The following MAJIN variants were observed in gnomAD, a reference collection of about 807,000 sequenced individuals.
MAJIN encodes membrane-anchored junction protein.
Under a neutral mutation model 30.2 loss-of-function variants are expected in MAJIN, and 27 were observed. The ratio of observed to expected loss-of-function variants is 0.89; its 90% CI spans 0.66 to 1.23. The LOEUF is 1.23. Among genes scored for constraint, MAJIN ranks in the 50% most tolerant of loss-of-function variants. The pLI, the probability that MAJIN is intolerant of heterozygous loss-of-function variation, is 0.00. For synonymous variants in MAJIN, 78 were observed against 91.6 expected, an observed-to-expected ratio of 0.85 and a Z score of 0.85; for missense variants, 253 against 260.3, an observed-to-expected ratio of 0.97 and a Z score of 0.19.
intron 3 of MAJIN, among the ~76,000 whole-genome samples, chr11:64,957,449 AG>A (rs1481265240): frequency 6.6e-6 from 1 of 152,076 alleles, no homozygotes; most frequent in Non-Finnish European, 1.5e-5. Context: ...TCTGTTGCAC[AG>A]GCTGGAGTGC....
At chr11:64,953,620 G>A (rs947515599) in intron 4 of MAJIN, among the ~76,000 whole-genome samples, 3 of 152,078 alleles carry the variant, frequency 2.0e-5, no homozygotes, top group Non-Finnish European at 4.4e-5. Flanking sequence ...ATGAAACCCC[G>A]TCTCTACTAA....
intron 8 of MAJIN, among the ~76,000 whole-genome samples, chr11:64,940,992 C>A (rs1022855453): frequency 1.1e-4 from 16 of 151,852 alleles, no homozygotes; most frequent in Non-Finnish European, 2.4e-4. Flanking sequence ...GCGCCCGCCA[C>A]CATGCCCGGC....
At chr11:64,959,284 C>T (rs370436062) in intron 3 of MAJIN, 21 bp downstream of exon 3, 55 of 1,588,926 alleles carry the variant, frequency 3.5e-5, no homozygotes, top group African/African-American at 2.4e-4. Flanking sequence ...GCATAGGCTA[C>T]CCTCCTACCT....
chr11:64,957,596 G>T (rs1293465493), intron 3 of MAJIN, among the ~76,000 whole-genome samples: 1 of 151,828 alleles, frequency 6.6e-6, no homozygotes, highest in African/African-American at 2.4e-5. Context: ...TAGAGACAGG[G>T]TTTCACCATG....
intron 5 of MAJIN, 123 bp downstream of exon 5, chr11:64,950,232 A>T: frequency 1.2e-6 from 1 of 828,618 alleles, no homozygotes; most frequent in Non-Finnish European, 1.9e-6. Flanking sequence ...GGAGAGGCTG[A>T]GGCAAGAGAA....
chr11:64,940,749 C>T, intron 8 of MAJIN, 103 bp from the exon 9 acceptor site: 1 of 1,015,138 alleles, frequency 9.9e-7, no homozygotes, highest in Non-Finnish European at 1.5e-6. Flanking sequence ...AGCACTGGGG[C>T]CTGGCTTCTG....
At chr11:64,956,501 A>G (rs1168883716) in intron 3 of MAJIN, among the ~76,000 whole-genome samples, 1 of 151,982 alleles carries the variant, frequency 6.6e-6, no homozygotes, top group Non-Finnish European at 1.5e-5. Flanking sequence ...AAACAAAACA[A>G]AAACAAAAAT....
At chr11:64,962,107 A>G (rs1945736383) in intron 1 of MAJIN, among the ~76,000 whole-genome samples, 1 of 152,184 alleles carries the variant, frequency 6.6e-6, no homozygotes. Flanking sequence ...ACTAGGATGC[A>G]ATAACTTGCC....
chr11:64,956,773 T>TG (rs1191936787), intron 3 of MAJIN, among the ~76,000 whole-genome samples: 4 of 148,260 alleles, frequency 2.7e-5, no homozygotes, highest in Non-Finnish European at 6.0e-5. Context: ...GTTTTTTTTT[T>TG]TTTTTTTTTT....
intron 8 of MAJIN, among the ~76,000 whole-genome samples, chr11:64,944,373 C>T (rs1945419434): frequency 6.6e-6 from 1 of 152,342 alleles, no homozygotes; most frequent in Admixed American, 6.5e-5. Flanking sequence ...CATGGCACAT[C>T]TATCAGTAAT....
intron 1 of MAJIN, among the ~76,000 whole-genome samples, chr11:64,969,887 G>T (rs1249305542): frequency 6.6e-6 from 1 of 152,132 alleles, no homozygotes; most frequent in Non-Finnish European, 1.5e-5. Flanking sequence ...AGAGGTAAAA[G>T]CACCATTTTC....
rs1049149824 is a variant in MAJIN, at chr11:64,956,224, G to A, written c.102-1422C>T. On this transcript the variant is annotated intron_variant, in intron 3 of 10. Coordinates refer to ENST00000301896, the MANE Select transcript of MAJIN (RefSeq NM_001037225.3). ...CTGAGGCAGGAGAATTGCTTGAACC[G>A]GGAGGCAGAGGTTTTGGTGAGCTGA... is the stretch of plus-strand genomic sequence containing the variant. Among the ~76,000 whole-genome samples, 9 of 152,022 alleles carry A rather than the reference G, an allele frequency of 5.9e-5. No individual in the cohort carries two copies. The East Asian group carries it at 9.6e-4, about 16-fold the overall frequency.
intron 1 of MAJIN, among the ~76,000 whole-genome samples, chr11:64,967,468 G>A (rs1945830683): frequency 6.6e-6 from 1 of 152,090 alleles, no homozygotes; most frequent in Admixed American, 6.6e-5. Context: ...ACAAAGTGCT[G>A]GTTTCCCCGT....
intron 8 of MAJIN, among the ~76,000 whole-genome samples, chr11:64,941,596 G>C (rs1421082901): frequency 1.3e-5 from 2 of 152,208 alleles, no homozygotes; most frequent in African/African-American, 4.8e-5. Context: ...GGCAGAGTGA[G>C]CCAAGGTCGC....
At chr11:64,947,604 T>A in intron 7 of MAJIN, 139 bp from the exon 8 acceptor site, 1 of 1,046,010 alleles carries the variant, frequency 9.6e-7, no homozygotes, top group Non-Finnish European at 1.4e-6. Flanking sequence ...AGAATAGACA[T>A]TCTGTTAGAG....
intron 1 of MAJIN, among the ~76,000 whole-genome samples, chr11:64,971,143 A>C (rs1467815891): frequency 6.6e-6 from 1 of 151,838 alleles, no homozygotes; most frequent in African/African-American, 2.4e-5. Context: ...AAACACCAAA[A>C]TTAGCCGGGT....
chr11:64,950,555 A>T, intron 4 of MAJIN, 125 bp from the exon 5 acceptor site: 1 of 765,440 alleles, frequency 1.3e-6, no homozygotes, highest in Non-Finnish European at 2.1e-6. Flanking sequence ...TTCCTTTAAC[A>T]CGTGTTCTGA....
chr11:64,959,463 T>G, intron 2 of MAJIN, 41 bp from the exon 3 acceptor site: 2 of 1,517,850 alleles, frequency 1.3e-6, no homozygotes, highest in South Asian at 2.3e-5. Context: ...AGCTAACGAT[T>G]GTTCCTTATT....
intron 3 of MAJIN, among the ~76,000 whole-genome samples, chr11:64,959,093 CA>C (rs34562472): frequency 0.014 from 753 of 53,580 alleles, 2 homozygotes; most frequent in South Asian, 0.026. Context: ...TGCTTCTCTT[CA>C]AAAAAAAAAA....
Sources: allele counts gnomAD v4.1 joint callset (sites outside exome capture counted in the v4.1 genomes callset), GRCh38; gene constraint gnomAD v4.1.1; transcripts MANE v1.5; gene names NCBI Gene and HGNC (gene_info 2026-07-23, HGNC 2026-07-21).